The following CFAP99 variants were observed in gnomAD, a reference collection of about 807,000 sequenced individuals.
CFAP99 encodes the protein cilia and flagella associated protein 99, also known as cilia- and flagella-associated protein 99.
Under a neutral mutation model 82.7 loss-of-function variants are expected in CFAP99, and 84 were observed. That is an observed-to-expected ratio of 1.02 (90% CI 0.85 to 1.22). The LOEUF (loss-of-function observed/expected upper bound fraction) is 1.22. Among genes scored for constraint, CFAP99 ranks in the 50% most tolerant of loss-of-function variants. The probability of loss-of-function intolerance (pLI) is 0.00; values close to 1 mark genes in which losing one functional copy is unlikely to be tolerated. For missense variants in CFAP99, 1,059 were observed against 983.5 expected (o/e 1.08, Z -1.03); for synonymous variants, 456 against 429.5 (o/e 1.06, Z -0.76).
At chr4:2,438,382 C>G (rs1472163794) in intron 4 of CFAP99, among the ~76,000 whole-genome samples, 2 of 152,188 alleles carry the variant, frequency 1.3e-5, no homozygotes, top group African/African-American at 4.8e-5. Flanking sequence ...CCTGCCTCAG[C>G]CTCCCGAGTA....
At chr4:2,452,061 C>T in intron 10 of CFAP99, 81 bp from the exon 11 acceptor site, 1 of 1,423,470 alleles carries the variant, frequency 7.0e-7, no homozygotes, top group Non-Finnish European at 9.6e-7. Context: ...CAGCCACTGT[C>T]CCTCAGGAAA....
chr4:2,459,207 C>T (rs142526896), exon 13 of CFAP99: 213 of 1,535,720 alleles, frequency 1.4e-4, no homozygotes, highest in Middle Eastern at 6.7e-4. Context: ...CCCAGCTGCG[C>T]GCACTCGAGA....
chr4:2,447,387 T>C (rs1734188613), intron 6 of CFAP99, among the ~76,000 whole-genome samples: 1 of 151,146 alleles, frequency 6.6e-6, no homozygotes, highest in Admixed American at 6.6e-5. Context: ...ATTGGATAGA[T>C]GATCAAATGG....
intron 4 of CFAP99, among the ~76,000 whole-genome samples, chr4:2,439,505 C>A (rs889429949): frequency 3.3e-5 from 5 of 152,130 alleles, no homozygotes; most frequent in Non-Finnish European, 5.9e-5. Context: ...GGATTGCAGC[C>A]CCATAGACCT....
At chr4:2,459,581 C>T (rs561140632) in intron 13 of CFAP99, among the ~76,000 whole-genome samples, 9 of 152,230 alleles carry the variant, frequency 5.9e-5, no homozygotes, top group East Asian at 1.9e-4. Flanking sequence ...GTAGGGAGAG[C>T]GCAGGTGTTT....
chr4:2,448,329 T>A lies in CFAP99; in HGVS notation c.643-1341T>A, dbSNP rs930901781. On this transcript the variant is annotated intron_variant, in intron 6 of 14. Coordinates refer to ENST00000635017, the Ensembl canonical transcript of CFAP99. This position sits in a 1 kb window ranked among gnomAD's most constrained non-coding sequence, Gnocchi z 5.2. ...GGGCCCTCACCATGTCCTCCCATGCTCTATAGCTGTGTGCCTCTCAGTACA... is the reference window on the plus strand; with the variant it reads ...GGGCCCTCACCATGTCCTCCCATGCACTATAGCTGTGTGCCTCTCAGTACA... Among the ~76,000 whole-genome samples the A allele has an allele frequency of 1.3e-5, 2 of 152,162 alleles. No homozygotes were observed. The highest frequency in any genetic ancestry group is 1.3e-4 in the Admixed American group (2 of 15,272).
intron 4 of CFAP99, among the ~76,000 whole-genome samples, chr4:2,438,931 C>A (rs542275599): frequency 5.9e-5 from 9 of 152,332 alleles, no homozygotes; most frequent in Middle Eastern, 3.4e-3. Context: ...CCTCCCTGTG[C>A]AGCTTCAGGG....
intron 6 of CFAP99, among the ~76,000 whole-genome samples, chr4:2,447,238 GTGGATGGATAGATGGATGACTGGA>G (rs1288453173): frequency 1.3e-5 from 2 of 150,702 alleles, no homozygotes; most frequent in Non-Finnish European, 2.9e-5. Flanking sequence ...GGAAGGATAA[GTGGATGGATAGATGGATGACTGGA>G]TGGATGGATG....
chr4:2,450,053 A>G (rs1364340987), intron 8 of CFAP99, 48 bp downstream of exon 8: 2 of 1,520,062 alleles, frequency 1.3e-6, no homozygotes, highest in Non-Finnish European at 1.8e-6. Flanking sequence ...CCATCTTCTC[A>G]AGCCATCAGA....
chr4:2,445,113 T>A lies in CFAP99; in HGVS notation c.465-18T>A. On this transcript the variant is annotated intron_variant, in intron 5 of 14. Transcript: ENST00000635017. ...TTAGGGAGTGACCATAAGAGGTGTT[T>A]CCACTTTTGCCTTCAAGATGGCAGC... The A allele has an allele frequency of 1.5e-6, 2 of 1,341,458 alleles. No individual in the cohort carries two copies. The highest frequency in any genetic ancestry group is 3.5e-5 in the Admixed American group (1 of 28,190). The allele number at this position is 1,341,458 out of a possible 1,614,324, so 83.1% of individuals were successfully genotyped here. A position where few individuals can be genotyped will look rare whatever the true frequency, so the allele number is the denominator to read the frequency against.
intron 8 of CFAP99, chr4:2,450,395 G>A (rs1307440108): frequency 3.3e-6 from 1 of 305,420 alleles, no homozygotes; most frequent in Non-Finnish European, 6.3e-6. Flanking sequence ...GGCTCACTCA[G>A]GAGCACGGCC....
chr4:2,460,325 T>TA, intron 14 of CFAP99, 83 bp downstream of exon 14: 1 of 1,277,786 alleles, frequency 7.8e-7, no homozygotes, highest in Non-Finnish European at 1.1e-6. Context: ...TGGGTGGGTC[T>TA]CCTAGAAACA....
intron 2 of CFAP99, among the ~76,000 whole-genome samples, chr4:2,432,041 A>G (rs1237457379): frequency 6.6e-5 from 10 of 152,220 alleles, no homozygotes; most frequent in Non-Finnish European, 2.9e-5. Flanking sequence ...AATCAATTAA[A>G]GGTATCTTTG....
In CFAP99 at chr4:2,462,302, G is replaced by T; in HGVS notation, c.1662-141G>T. ...GAGCGCGCCGCGGCCCCTGGGCCTCGCTGTCTGTCCTAAATCATTCCGGTG... is the reference window on the plus strand; with the variant it reads ...GAGCGCGCCGCGGCCCCTGGGCCTCTCTGTCTGTCCTAAATCATTCCGGTG... On this transcript the variant is annotated intron_variant, in intron 14 of 14. Transcript: ENST00000635017. The surrounding 1 kb of genome is among the most constrained non-coding windows in gnomAD (Gnocchi z 4.1). The T allele has an allele frequency of 1.2e-6, 1 of 819,140 alleles. No homozygotes were observed. Among genetic ancestry groups the T allele is most frequent in the Non-Finnish European group, 1.7e-6 (1 of 579,898 alleles). 50.7% of individuals were successfully genotyped at this position (819,140 alleles called of 1,614,324 possible). A position where few individuals can be genotyped will look rare whatever the true frequency, so the allele number is the denominator to read the frequency against.
chr4:2,426,918 C>T (rs1041514587), intron 2 of CFAP99: 13 of 293,686 alleles, frequency 4.4e-5, no homozygotes, highest in African/African-American at 2.8e-4. Context: ...CATCTTATCT[C>T]GGGAAATGGG....
At chr4:2,450,917 A>AGGCG (rs1370697698) in intron 8 of CFAP99, 30 bp from the exon 9 acceptor site, 2 of 1,531,824 alleles carry the variant, frequency 1.3e-6, no homozygotes, top group Admixed American at 2.0e-5. Flanking sequence ...CACAGGTGCC[A>AGGCG]GGCGGCCAGC....
At chr4:2,426,665 GC>G in intron 2 of CFAP99, 79 bp downstream of exon 2, 1 of 911,608 alleles carries the variant, frequency 1.1e-6, no homozygotes, top group Non-Finnish European at 1.7e-6. Context: ...AGCATCAAAT[GC>G]CTTCCTAACG....
Position 2,462,711 on chromosome 4 carries a change from G to T in CFAP99, c.1930G>T (p.Gly644Ter). 8.0e-7 allele frequency: 1 copy of T among 1,250,192 alleles called. No individual in the cohort carries two copies. Among genetic ancestry groups the T allele is most frequent in the Non-Finnish European group, 1.0e-6 (1 of 995,162 alleles). 77.4% of individuals were successfully genotyped at this position (1,250,192 alleles called of 1,614,324 possible). A position where few individuals can be genotyped will look rare whatever the true frequency, so the allele number is the denominator to read the frequency against. ...CGGCGTCCCGGGGCGGGGATGGCGGGGAGATCGGGTCCGGTCCGCGGCCGG... is the reference window on the plus strand; with the variant it reads ...CGGCGTCCCGGGGCGGGGATGGCGGTGAGATCGGGTCCGGTCCGCGGCCGG... The change falls in exon 15 of 15, where the codon GGA (glycine) becomes TGA (stop). Residue 644 changes from glycine (G) to a stop codon, truncating the protein, a stop_gained. Coordinates refer to ENST00000635017, the Ensembl canonical transcript of CFAP99. LOFTEE classifies it low-confidence loss of function (END_TRUNC). This position sits in a 1 kb window ranked among gnomAD's most constrained non-coding sequence, Gnocchi z 4.1.
At chr4:2,440,013 T>C (rs1733997955) in intron 4 of CFAP99, among the ~76,000 whole-genome samples, 1 of 151,680 alleles carries the variant, frequency 6.6e-6, no homozygotes, top group Non-Finnish European at 1.5e-5. Context: ...TGGCTAATTT[T>C]TGTATTTTAG....
Sources: gnomAD v4.1 joint callset for allele counts (sites outside exome capture counted in the v4.1 genomes callset) on GRCh38, gnomAD v4.1.1 for gene constraint, Gnocchi (gnomAD v3.1) non-coding constraint, MANE v1.5 for transcripts, NCBI Gene and HGNC (gene_info 2026-07-23, HGNC 2026-07-21) for gene names.